The following UBE3D variants were observed in gnomAD, a reference collection of about 807,000 sequenced individuals.
UBE3D encodes the protein ubiquitin protein ligase E3D, also known as E3 ubiquitin-protein ligase E3D.
A neutral mutation model predicts 49.6 loss-of-function variants in UBE3D; 48 were observed. That is an observed-to-expected ratio of 0.97 (90% confidence interval 0.77 to 1.23). The LOEUF is 1.23. Among genes scored for constraint, UBE3D ranks in the 50% most tolerant of loss-of-function variants. The pLI, the probability that UBE3D is intolerant of heterozygous loss-of-function variation, is 0.00. For synonymous variants in UBE3D, 189 were observed against 174.2 expected (o/e 1.08, Z -0.67); for missense variants, 452 against 468.4 (o/e 0.96, Z 0.32).
At chr6:82,971,289 A>T (rs930591354) in intron 8 of UBE3D, among the ~76,000 whole-genome samples, 8 of 152,076 alleles carry the variant, frequency 5.3e-5, no homozygotes, top group African/African-American at 1.9e-4. Flanking sequence ...TTACCAGAGG[A>T]AATCAGTTAA....
rs115648060 is a variant in UBE3D, at chr6:82,985,847, G to A, written c.1011-28397C>T. ...GTATTATGTTTATATATGAAATCAG[G>A]TCTATTTCTGTTGTGTTCCAATGGT... On this transcript the variant is annotated intron_variant, in intron 8 of 9. Coordinates refer to ENST00000369747, the MANE Select transcript of UBE3D (RefSeq NM_198920.3). 6.4e-3 allele frequency among the ~76,000 whole-genome samples: 972 copies of A among 152,140 alleles called. 9 individuals carry two copies. The highest frequency in any genetic ancestry group is 0.022 in the African/African-American group (928 of 41,512).
chr6:82,890,315 C>T (rs7740059), downstream of UBE3D, among the ~76,000 whole-genome samples: 49,381 of 151,938 alleles, frequency 0.33, 9,384 homozygotes, highest in African/African-American at 0.51. Flanking sequence ...TCCCTTTTCC[C>T]TTCATGCCCT....
chr6:83,057,678 C>G (rs898241877), intron 2 of UBE3D, 148 bp downstream of exon 2: 1 of 715,634 alleles, frequency 1.4e-6, no homozygotes, highest in Non-Finnish European at 2.3e-6. Flanking sequence ...TGTTCAATTG[C>G]ATACAGCCAA....
intron 9 of UBE3D, among the ~76,000 whole-genome samples, chr6:82,910,649 G>A (rs780749371): frequency 1.3e-5 from 2 of 152,194 alleles, no homozygotes; most frequent in Non-Finnish European, 2.9e-5. Flanking sequence ...CAGCATTCCA[G>A]AGGTTCCATG....
rs548487148 is a variant in UBE3D, at chr6:83,046,712, C to A, written c.366-2053G>T. ...GTGGCACCGGGGGAGCAGTACAGATCCCTTTGAATATTTAAGAAAAGTGTT... is the reference window on the plus strand; with the variant it reads ...GTGGCACCGGGGGAGCAGTACAGATACCTTTGAATATTTAAGAAAAGTGTT... On this transcript the variant is annotated intron_variant, in intron 3 of 9. Transcript: ENST00000369747. 6.1e-5 allele frequency among the ~76,000 whole-genome samples: 9 copies of A among 148,168 alleles called. No individual in the cohort carries two copies. In the East Asian group the frequency reaches 1.6e-3, roughly 26 times the overall value.
chr6:82,902,341 G>A (rs1023008583), intron 9 of UBE3D, among the ~76,000 whole-genome samples: 3 of 152,108 alleles, frequency 2.0e-5, no homozygotes, highest in Non-Finnish European at 4.4e-5. Context: ...ATCTGTACAC[G>A]AATGTTTAAG....
chr6:82,994,388 C>G (rs1779103487), intron 8 of UBE3D, among the ~76,000 whole-genome samples: 1 of 152,120 alleles, frequency 6.6e-6, no homozygotes, highest in South Asian at 2.1e-4. Flanking sequence ...AATATTTGAG[C>G]AGTAGCAGTA....
chr6:82,888,451 G>A (rs1261162831), downstream of UBE3D, among the ~76,000 whole-genome samples: 2 of 151,930 alleles, frequency 1.3e-5, no homozygotes, highest in African/African-American at 4.8e-5. Context: ...ATGTTAAAAA[G>A]GGATCAAATA....
At chr6:82,902,564 A>C (rs1355094634) in intron 9 of UBE3D, among the ~76,000 whole-genome samples, 2 of 152,194 alleles carry the variant, frequency 1.3e-5, no homozygotes, top group Non-Finnish European at 2.9e-5. Context: ...TTTTGAATTG[A>C]CAAAATTTTA....
downstream of UBE3D, among the ~76,000 whole-genome samples, chr6:82,888,404 ATAAG>A (rs1421175699): frequency 2.0e-5 from 3 of 152,200 alleles, no homozygotes; most frequent in Middle Eastern, 3.4e-3. Context: ...TTTTTCTAAA[ATAAG>A]TAATAAAATA....
intron 7 of UBE3D, 44 bp downstream of exon 7, chr6:83,022,409 T>C: frequency 1.5e-6 from 2 of 1,297,762 alleles, no homozygotes; most frequent in South Asian, 1.4e-5. Context: ...TTCTGAGACC[T>C]TGGATTCCTA....
chr6:82,979,806 CATT>C (rs1245604612), intron 8 of UBE3D, among the ~76,000 whole-genome samples: 3 of 152,236 alleles, frequency 2.0e-5, no homozygotes, highest in African/African-American at 7.2e-5. Context: ...CATGTACACA[CATT>C]ATTTAGCTCC....
At chr6:82,990,844 C>T (rs1359690959) in intron 8 of UBE3D, among the ~76,000 whole-genome samples, 1 of 152,176 alleles carries the variant, frequency 6.6e-6, no homozygotes, top group African/African-American at 2.4e-5. Flanking sequence ...TGGAAAAAGG[C>T]ATGAACCACA....
At chr6:83,021,233 G>A (rs1479352080) in intron 7 of UBE3D, among the ~76,000 whole-genome samples, 3 of 152,026 alleles carry the variant, frequency 2.0e-5, no homozygotes, top group Non-Finnish European at 4.4e-5. Context: ...TTCAGCCCAG[G>A]AGTTTGAGAC....
At chr6:82,976,354 C>T (rs1473954509) in intron 8 of UBE3D, among the ~76,000 whole-genome samples, 4 of 152,126 alleles carry the variant, frequency 2.6e-5, no homozygotes, top group Non-Finnish European at 1.5e-5. Flanking sequence ...TGGGTTTTTC[C>T]AAAATTAAAA....
chr6:83,024,226 T>C (rs1048329720), intron 5 of UBE3D, among the ~76,000 whole-genome samples, 188 bp from the exon 6 acceptor site: 3 of 152,208 alleles, frequency 2.0e-5, no homozygotes, highest in Non-Finnish European at 4.4e-5. Flanking sequence ...AAGGAGATAG[T>C]TCTGAAGCTT....
At chr6:83,020,018 G>A (rs6926954) in intron 7 of UBE3D, among the ~76,000 whole-genome samples, 1 of 152,048 alleles carries the variant, frequency 6.6e-6, no homozygotes, top group Non-Finnish European at 1.5e-5. Context: ...GCTGGGAATG[G>A]GTGCATCAAC....
chr6:82,966,909 T>C (rs1451334146), intron 8 of UBE3D, among the ~76,000 whole-genome samples: 2 of 152,178 alleles, frequency 1.3e-5, no homozygotes, highest in African/African-American at 2.4e-5. Flanking sequence ...ATGGTTGCTA[T>C]TGTAATTAAT....
chr6:82,907,414 T>C (rs1582302914), intron 9 of UBE3D, among the ~76,000 whole-genome samples: 1 of 152,276 alleles, frequency 6.6e-6, no homozygotes, highest in East Asian at 1.9e-4. Flanking sequence ...TTCACAGTGG[T>C]TTTTATAATT....
Sources: allele counts gnomAD v4.1 joint callset (sites outside exome capture counted in the v4.1 genomes callset), GRCh38; gene constraint gnomAD v4.1.1; transcripts MANE v1.5; gene names NCBI Gene and HGNC (gene_info 2026-07-23, HGNC 2026-07-21).